Variants in PREP observed in about 807,000 individuals in gnomAD.
PREP encodes dJ355L5.1 (prolyl endopeptidase).
Under a neutral mutation model 87.6 loss-of-function variants are expected in PREP, and 29 were observed. The observed-to-expected ratio is 0.33, with a 90% CI of 0.25 to 0.45. The LOEUF (loss-of-function observed/expected upper bound fraction) is 0.45. Among genes scored for constraint, PREP ranks in the 20% least tolerant of loss-of-function variants. PREP has a pLI of 1.00. For synonymous variants in PREP, 337 were observed against 328.6 expected, an observed-to-expected ratio of 1.03 and a Z score of -0.28; for missense variants, 695 against 886.5, an observed-to-expected ratio of 0.78 and a Z score of 2.74.
Position 105,277,891 on chromosome 6 carries a change from C to A in PREP, c.*253G>T. On this transcript the variant is annotated 3_prime_UTR_variant, in exon 15 of 15. Transcript: ENST00000652536. ...GTTTGTTGCCATTTAGCTATTTATC[C>A]CAACATGCCCTTAAAAAAAACACCA... 3.9e-6 allele frequency: 2 copies of A among 519,014 alleles called. No homozygotes were observed. The highest frequency in any genetic ancestry group is 6.8e-6 in the Non-Finnish European group (2 of 294,834). 32.2% of individuals were successfully genotyped at this position (519,014 alleles called of 1,614,324 possible).
At chr6:105,364,315 T>C (rs1772327844) in intron 6 of PREP, among the ~76,000 whole-genome samples, 1 of 151,984 alleles carries the variant, frequency 6.6e-6, no homozygotes, top group East Asian at 1.9e-4. Flanking sequence ...AGGGCAACAG[T>C]GGGGAAACTA....
At chr6:105,402,777 G>A in intron 1 of PREP, 70 bp downstream of exon 1, 1 of 1,392,932 alleles carries the variant, frequency 7.2e-7, no homozygotes, top group East Asian at 2.6e-5. Flanking sequence ...GAGGAGCTGC[G>A]GGTGCCACGG....
Position 105,373,397 on chromosome 6 carries a change from T to C in PREP, c.567A>G (p.Ser189=). 6.2e-7 allele frequency: 1 copy of C among 1,614,220 alleles called. No homozygotes were observed. Among genetic ancestry groups the C allele is most frequent in the Non-Finnish European group, 8.5e-7 (1 of 1,180,026 alleles). ...CACTTTTTCCATCCTGTTGAGGGTA[T>C]GAGTTGTAGAACATTCCCTTCCCAT... ...THDGKGMFYN[S]YPQQDGKSDG... Residue 189 remains serine, a synonymous_variant, in exon 5 of 15, where the codon TCA becomes TCG. Coordinates refer to ENST00000652536, the MANE Select transcript of PREP (RefSeq NM_002726.5).
intron 2 of PREP, among the ~76,000 whole-genome samples, chr6:105,385,355 A>C (rs1772964972): frequency 6.6e-6 from 1 of 151,792 alleles, no homozygotes; most frequent in Admixed American, 6.6e-5. Flanking sequence ...AGCAAAGATG[A>C]TGCTACAGAT....
chr6:105,342,104 T>G (rs1771671045), intron 7 of PREP, among the ~76,000 whole-genome samples: 1 of 152,036 alleles, frequency 6.6e-6, no homozygotes, highest in Non-Finnish European at 1.5e-5. Context: ...TAGACCAATA[T>G]CCCTGATGAA....
intron 10 of PREP, among the ~76,000 whole-genome samples, chr6:105,291,131 A>C (rs781709193): frequency 6.6e-6 from 1 of 152,168 alleles, no homozygotes; most frequent in Admixed American, 6.5e-5. Context: ...GCTAAAAAAA[A>C]CACTAATGGT....
At chr6:105,295,422 T>C (rs188318082) in intron 10 of PREP, among the ~76,000 whole-genome samples, 7 of 152,226 alleles carry the variant, frequency 4.6e-5, no homozygotes, top group Admixed American at 2.0e-4. Flanking sequence ...TAGACTCAAA[T>C]TTCTCCTATC....
rs1451708278 is a variant in PREP at position 105,288,853 on chromosome 6, G to T, written c.1359C>A (p.Phe453Leu). 6.2e-7 allele frequency: 1 copy of T among 1,613,496 alleles called. No homozygotes were observed. The highest frequency in any genetic ancestry group is 8.5e-7 in the Non-Finnish European group (1 of 1,179,396). The change falls in exon 11 of 15, where the codon TTC (phenylalanine) becomes TTA (leucine). Residue 453 changes from phenylalanine (F) to leucine (L), a missense_variant. Coordinates refer to ENST00000652536, the MANE Select transcript of PREP (RefSeq NM_002726.5). ...ATTTTATGCCTTTTTTATGCACAAT[G>T]AACATTGGAATCTTCGTACCATCCT... is the stretch of plus-strand genomic sequence containing the variant. Reference protein sequence around the residue: ...PSKDGTKIPMFIVHKKGIKLD... With the variant: ...PSKDGTKIPMLIVHKKGIKLD...
chr6:105,286,665 G>A (rs961375730), intron 11 of PREP, among the ~76,000 whole-genome samples: 2 of 151,962 alleles, frequency 1.3e-5, no homozygotes, highest in Non-Finnish European at 2.9e-5. Context: ...TGGTTTGAAT[G>A]CTAATTTCCT....
rs1179855279 is a variant in PREP at position 105,373,416 on chromosome 6, T to C, written c.548A>G (p.Lys183Arg). 6.2e-7 allele frequency: 1 copy of C among 1,614,112 alleles called. No homozygotes were observed. The highest frequency in any genetic ancestry group is 1.3e-5 in the African/African-American group (1 of 74,942). The change falls in exon 5 of 15, where the codon AAG becomes AGG. Residue 183 changes from lysine (K) to arginine (R), a missense_variant. Physicochemically the swap from Lys to Arg is conservative, Grantham distance 26. Around this residue, in one of 5 missense-constraint regions of PREP, gnomAD observed 517 missense variants for 620.3 expected, o/e 0.83. Transcript: ENST00000652536. ...FSCMAWTHDG[K>R]GMFYNSYPQQ... ...AGGGTATGAGTTGTAGAACATTCCC[T>C]TCCCATCATGGGTCCAGGCCATACA...
chr6:105,316,934 A>C (rs1770887730), intron 10 of PREP, among the ~76,000 whole-genome samples: 1 of 151,288 alleles, frequency 6.6e-6, no homozygotes, highest in South Asian at 2.1e-4. Context: ...AAGCTTAGGG[A>C]TTTAGAGGCC....
At chr6:105,347,826 AAT>A (rs1213560148) in intron 7 of PREP, among the ~76,000 whole-genome samples, 2 of 152,184 alleles carry the variant, frequency 1.3e-5, no homozygotes, top group African/African-American at 4.8e-5. Flanking sequence ...CAGCCTGGGC[AAT>A]ATAGTGAGAC....
At chr6:105,395,076 T>C (rs746951727) in intron 2 of PREP, among the ~76,000 whole-genome samples, 1 of 152,200 alleles carries the variant, frequency 6.6e-6, no homozygotes, top group Non-Finnish European at 1.5e-5. Context: ...GCTGCAAAGA[T>C]TGCTTTCTAA....
At chr6:105,307,418 T>C (rs1305758640) in intron 10 of PREP, among the ~76,000 whole-genome samples, 2 of 152,140 alleles carry the variant, frequency 1.3e-5, no homozygotes, top group Non-Finnish European at 2.9e-5. Flanking sequence ...GAGCAGCTTA[T>C]TAATATGGTT....
At chr6:105,317,634 C>G (rs1149320) in intron 10 of PREP, among the ~76,000 whole-genome samples, 47,620 of 152,048 alleles carry the variant, frequency 0.31, 12,028 homozygotes, top group African/African-American at 0.7. Flanking sequence ...ATTCCAAACA[C>G]CAGGCCCAAG....
chr6:105,301,412 G>A (rs1770536101), intron 10 of PREP, among the ~76,000 whole-genome samples: 1 of 152,212 alleles, frequency 6.6e-6, no homozygotes, highest in South Asian at 2.1e-4. Flanking sequence ...CTGGACAGTA[G>A]GCGGGCAAAC....
At chr6:105,311,522 A>G (rs1770761791) in intron 10 of PREP, among the ~76,000 whole-genome samples, 1 of 151,958 alleles carries the variant, frequency 6.6e-6, no homozygotes, top group Non-Finnish European at 1.5e-5. Flanking sequence ...GACCACTCCA[A>G]CTGCACAGGG....
At chr6:105,312,975 G>A (rs1040490885) in intron 10 of PREP, among the ~76,000 whole-genome samples, 4 of 152,112 alleles carry the variant, frequency 2.6e-5, no homozygotes, top group Admixed American at 6.5e-5. Context: ...GTGTTTCTAT[G>A]AGGTACCCTC....
At chr6:105,326,209 G>A (rs1237557506) in intron 9 of PREP, among the ~76,000 whole-genome samples, 1 of 152,122 alleles carries the variant, frequency 6.6e-6, no homozygotes, top group Non-Finnish European at 1.5e-5. Flanking sequence ...TCTCACCCCT[G>A]ACTCCCAGAG....
Sources: allele counts gnomAD v4.1 joint callset (sites outside exome capture counted in the v4.1 genomes callset), GRCh38; gene constraint gnomAD v4.1.1; regional missense constraint gnomAD v4.1.1; transcripts MANE v1.5; gene names NCBI Gene and HGNC (gene_info 2026-07-23, HGNC 2026-07-21).